MUC5B: variants seen among roughly 807,000 people sequenced by gnomAD.
MUC5B encodes the protein mucin-5B.
MUC5B carries 116 observed loss-of-function variants against 376.9 expected under a neutral mutation model. That is an observed-to-expected ratio of 0.31 (90% CI 0.26 to 0.36). The LOEUF is 0.36. Ranked by LOEUF, MUC5B falls within the 10% of genes least tolerant of loss-of-function variation. The pLI, the probability that MUC5B is intolerant of heterozygous loss-of-function variation, is 1.00. For synonymous variants in MUC5B, 3,517 were observed against 3,390.9 expected (o/e 1.04, Z -1.29); for missense variants, 7,165 against 7,769.9 (o/e 0.92, Z 2.93).
rs771200093 is a variant in MUC5B, at chr11:1,251,340, T to A, written c.14460T>A (p.Thr4820=). 7.0e-6 allele frequency: 11 copies of A among 1,561,268 alleles called. No homozygotes were observed. Among genetic ancestry groups the A allele is most frequent in the Admixed American group, 1.7e-5 (1 of 59,362 alleles). Residue 4820 remains threonine (T), a synonymous_variant, in exon 31 of 49, where the codon ACT becomes ACA. Coordinates refer to ENST00000529681, the MANE Select transcript of MUC5B (RefSeq NM_002458.3). ...CTCTGGGGACGACCCGGATCCTCAC[T>A]GAGCTGACCACAACAGCCACTACAA... ...SSTLGTTRIL[T]ELTTTATTTA...
At position 1,250,624 on chromosome 11, in the gene MUC5B, T is replaced by A; in HGVS notation, c.13744T>A (p.Ser4582Thr). 6.2e-7 allele frequency: 1 copy of A among 1,610,498 alleles called. No individual in the cohort carries two copies. Among genetic ancestry groups the A allele is most frequent in the South Asian group, 1.1e-5 (1 of 90,982 alleles). ...GGCCACCGGCTCTGTGGCCACCCCC[T>A]CCTCCACCCCAGGAACAGCTCACAC... ...TGATGSVATP[S>T]STPGTAHTTK... The change falls in exon 31 of 49, where the codon TCC (serine) becomes ACC (threonine). Residue 4582 changes from serine to threonine, a missense_variant. Ser to Thr is a moderately conservative substitution (Grantham distance 58). Transcript: ENST00000529681.
chr11:1,247,652 C>A lies in MUC5B; in HGVS notation c.10772C>A (p.Ser3591Tyr), dbSNP rs1374211534. 2 of 1,604,964 alleles carry A rather than the reference C, an allele frequency of 1.2e-6. No individual in the cohort carries two copies. Among genetic ancestry groups the A allele is most frequent in the African/African-American group, 2.7e-5 (2 of 74,558 alleles). The change falls in exon 31 of 49, where the codon TCT becomes TAT. Residue 3591 changes from serine to tyrosine, a missense_variant. By Grantham distance (144) the Ser-to-Tyr change is moderately radical. Around this residue, in one of 31 missense-constraint regions of MUC5B, gnomAD observed 81 missense variants for 154.5 expected, o/e 0.52. Coordinates refer to ENST00000529681, the MANE Select transcript of MUC5B (RefSeq NM_002458.3). The part of the protein sequence containing the change: ...LDYSYPMPGP[S>Y]GGDFDTYSNI... ...TACAGCTACCCCATGCCGGGGCCCT[C>A]TGGCGGGGACTTTGACACCTACTCC...
At position 1,246,209 on chromosome 11, in the gene MUC5B, C is replaced by T. The variant is rs1862458981; in HGVS notation, c.9329C>T (p.Thr3110Ile). 9 of 1,612,648 alleles carry T rather than the reference C, an allele frequency of 5.6e-6. No homozygotes were observed. Among genetic ancestry groups the T allele is most frequent in the Non-Finnish European group, 7.6e-6 (9 of 1,179,530 alleles). Residue 3110 changes from threonine (T) to isoleucine (I), a missense_variant, in exon 31 of 49, where the codon ACC (threonine) becomes ATC (isoleucine). This residue lies in a region of MUC5B where 939 missense variants were observed against 770.6 expected (regional missense o/e 1.22). Coordinates refer to ENST00000529681, the MANE Select transcript of MUC5B (RefSeq NM_002458.3). ...ACCACCCACACCTCCACAGTGCTGACCACGAAGGCCACCACGACAAGGGCC... is the reference window on the plus strand; with the variant it reads ...ACCACCCACACCTCCACAGTGCTGATCACGAAGGCCACCACGACAAGGGCC... The part of the protein sequence containing the change: ...PETTHTSTVL[T>I]TKATTTRATS...
At position 1,247,918 on chromosome 11, in the gene MUC5B, A is replaced by G. The variant is rs200751049; in HGVS notation, c.11038A>G (p.Thr3680Ala). ...CCCCAGCACCCCGGCCACCAGCTCTACGGCCACGCCCTCCTCAACTCCGGG... is the reference window on the plus strand; with the variant it reads ...CCCCAGCACCCCGGCCACCAGCTCTGCGGCCACGCCCTCCTCAACTCCGGG... ...HCPSTPATSS[T>A]ATPSSTPGTT... Residue 3680 changes from threonine to alanine, a missense_variant, in exon 31 of 49, where the codon ACG becomes GCG. Coordinates refer to ENST00000529681, the MANE Select transcript of MUC5B (RefSeq NM_002458.3). 1.2e-3 allele frequency: 1,899 copies of G among 1,611,832 alleles called. 37 individuals carry two copies. In the African/African-American group the frequency reaches 0.022, roughly 19 times the overall value.
At position 1,243,593 on chromosome 11, in the gene MUC5B, T is replaced by C. The variant is rs4963031; in HGVS notation, c.6713T>C (p.Leu2238Pro). ...CCTTCCACGGTGACTTCCCACACCC[T>C]AGCAGCAACCACCGGTACCACCCAG... is the stretch of plus-strand genomic sequence containing the variant. ...TEPSTVTSHT[L>P]AATTGTTQHS... is the part of the protein sequence containing the mutation. Residue 2238 changes from leucine (L) to proline (P), a missense_variant, in exon 31 of 49, where the codon CTA becomes CCA. This residue lies in a region of MUC5B where 67 missense variants were observed against 103.0 expected (regional missense o/e 0.65). Coordinates refer to ENST00000529681, the MANE Select transcript of MUC5B (RefSeq NM_002458.3). The C allele has an allele frequency of 0.71, 1,127,154 of 1,589,440 alleles. 408,821 individuals carry two copies. The highest frequency in any genetic ancestry group is 0.98 in the East Asian group (43,572 of 44,572).
intron 12 of MUC5B, 150 bp downstream of exon 12, chr11:1,230,750 T>TC: frequency 1.6e-6 from 1 of 633,068 alleles, no homozygotes; most frequent in Non-Finnish European, 2.3e-6. Flanking sequence ...CCAGGTCAGG[T>TC]CCCCCCTCCA....
At chr11:1,238,200 C>T (rs1330891414) in intron 25 of MUC5B, among the ~76,000 whole-genome samples, 1 of 152,206 alleles carries the variant, frequency 6.6e-6, no homozygotes, top group South Asian at 2.1e-4. Flanking sequence ...CTCAGCTCCC[C>T]GCGTGGCTGG....
At chr11:1,223,495 G>C (rs536303684) in intron 1 of MUC5B, 1 of 485,226 alleles carries the variant, frequency 2.1e-6, no homozygotes, top group South Asian at 2.0e-5. Flanking sequence ...TGGGACAGGA[G>C]TGGGCAATGG....
rs1052154269 is a variant in MUC5B, at chr11:1,234,688, G to T, written c.2630+8G>T. The T allele has an allele frequency of 2.7e-6, 4 of 1,462,424 alleles. No homozygotes were observed. The highest frequency in any genetic ancestry group is 5.6e-5 in the East Asian group (2 of 35,938). 90.6% of individuals were successfully genotyped at this position (1,462,424 alleles called of 1,614,324 possible). ...GGTCGACTGCAACACCTGGTGGGTC[G>T]TGAGTCTCTCGGAGGCAGCAGGTGG... On this transcript the variant is annotated splice_region_variant and intron_variant, in intron 21 of 48. Transcript: ENST00000529681. The surrounding 1 kb of genome is among the most constrained non-coding windows in gnomAD (Gnocchi z 6.3).
intron 11 of MUC5B, 122 bp downstream of exon 11, chr11:1,230,265 C>G: frequency 7.3e-7 from 1 of 1,370,332 alleles, no homozygotes; most frequent in Non-Finnish European, 9.9e-7. Flanking sequence ...GAGGGGGGAG[C>G]CCTGGGTCCC....
At position 1,242,409 on chromosome 11, in the gene MUC5B, C is replaced by G; in HGVS notation, c.5529C>G (p.Val1843=). ...ACCCCGAGGTAAGCATCGACCAGGT[C>G]GGGCAGGTGCTGACCTGCAGCCTGG... ...ENYPEVSIDQ[V]GQVLTCSLET... Residue 1843 remains valine, a synonymous_variant, in exon 31 of 49, where the codon GTC becomes GTG. Coordinates refer to ENST00000529681, the MANE Select transcript of MUC5B (RefSeq NM_002458.3). 1 of 1,613,826 alleles carries G rather than the reference C, an allele frequency of 6.2e-7. No individual in the cohort carries two copies. The highest frequency in any genetic ancestry group is 1.1e-5 in the South Asian group (1 of 91,080).
Position 1,258,770 on chromosome 11 carries a change from G to A in MUC5B, c.16594-172G>A, listed in dbSNP as rs1862915863. Reference sequence around the variant, plus strand: ...TGCCCAGATTCCCTGCCCACCTGTGGTCCCTGTGTGCATCAGCTCCCTGCC... The same window carrying A: ...TGCCCAGATTCCCTGCCCACCTGTGATCCCTGTGTGCATCAGCTCCCTGCC... On this transcript the variant is annotated intron_variant, in intron 43 of 48. Coordinates refer to ENST00000529681, the MANE Select transcript of MUC5B (RefSeq NM_002458.3). This position sits in a 1 kb window ranked among gnomAD's most constrained non-coding sequence, Gnocchi z 5.5. 6.6e-6 allele frequency among the ~76,000 whole-genome samples: 1 copy of A among 152,002 alleles called. No individual in the cohort carries two copies. The highest frequency in any genetic ancestry group is 1.5e-5 in the Non-Finnish European group (1 of 67,978).
At chr11:1,223,436 G>T (rs751464115) in intron 1 of MUC5B, 1 of 633,202 alleles carries the variant, frequency 1.6e-6, no homozygotes, top group East Asian at 3.0e-5. Context: ...GCCCCTGACC[G>T]CAGGGCAAGG....
Position 1,257,425 on chromosome 11 carries a change from TG to T in MUC5B, c.16270-102del. ...GTGTGCGCTTCCTGCCCCATCACTCTGGGCCACTCGGGTACCAGCCCGAGGG... is the reference window on the plus strand; with the variant it reads ...GTGTGCGCTTCCTGCCCCATCACTCTGGCCACTCGGGTACCAGCCCGAGGG... On this transcript the variant is annotated intron_variant, in intron 40 of 48. Transcript: ENST00000529681. This position sits in a 1 kb window ranked among gnomAD's most constrained non-coding sequence, Gnocchi z 8.9. 7.2e-7 allele frequency: 1 copy of T among 1,385,686 alleles called. No homozygotes were observed. Among genetic ancestry groups the T allele is most frequent in the Non-Finnish European group, 1.0e-6 (1 of 998,194 alleles). 85.8% of individuals were successfully genotyped at this position (1,385,686 alleles called of 1,614,324 possible). A position where few individuals can be genotyped will look rare whatever the true frequency, so the allele number is the denominator to read the frequency against.
Position 1,250,736 on chromosome 11 carries a change from T to A in MUC5B, c.13856T>A (p.Ile4619Asn). 1 of 1,609,340 alleles carries A rather than the reference T, an allele frequency of 6.2e-7. No homozygotes were observed. Among genetic ancestry groups the A allele is most frequent in the Non-Finnish European group, 8.5e-7 (1 of 1,178,064 alleles). ...PGTALTPPVW[I>N]STTTTPTTTT... ...ACGGCACTCACGCCTCCAGTGTGGA[T>A]CAGCACAACCACCACACCCACAACC... is the stretch of plus-strand genomic sequence containing the variant. The change falls in exon 31 of 49, where the codon ATC (isoleucine) becomes AAC (asparagine). Residue 4619 changes from isoleucine (I) to asparagine (N), a missense_variant. Physicochemically the swap from Ile to Asn is moderately radical, Grantham distance 149. Transcript: ENST00000529681.
rs374287471 is a variant in MUC5B at position 1,229,651 on chromosome 11, C to T, written c.1103-39C>T. On this transcript the variant is annotated intron_variant, in intron 9 of 48. Coordinates refer to ENST00000529681, the MANE Select transcript of MUC5B (RefSeq NM_002458.3). The stretch of plus-strand genomic sequence containing the variant: ...GGTGTCTTCTGACCTTGGTGTCCCC[C>T]GTGCATGGGCCGGCCCTGCCTCACG... 108 of 1,501,336 alleles carry T rather than the reference C, an allele frequency of 7.2e-5. No homozygotes were observed. In the African/African-American group the frequency reaches 1.2e-3, roughly 17 times the overall value. The allele number at this position is 1,501,336 out of a possible 1,614,324, so 93.0% of individuals were successfully genotyped here.
At position 1,258,322 on chromosome 11, in the gene MUC5B, C is replaced by T; in HGVS notation, c.16556-8C>T. On this transcript the variant is annotated splice_region_variant and splice_polypyrimidine_tract_variant and intron_variant, in intron 42 of 48. Coordinates refer to ENST00000529681, the MANE Select transcript of MUC5B (RefSeq NM_002458.3). This position sits in a 1 kb window ranked among gnomAD's most constrained non-coding sequence, Gnocchi z 5.5. ...ACTTGTCGAGGGCTTAGCTCCCTTTCCTTCCAGGACCTCAGCTGTGTTCGT... is the reference window on the plus strand; with the variant it reads ...ACTTGTCGAGGGCTTAGCTCCCTTTTCTTCCAGGACCTCAGCTGTGTTCGT... The T allele has an allele frequency of 6.2e-7, 1 of 1,611,862 alleles. No homozygotes were observed.
At chr11:1,231,398 G>C (rs1301099887) in intron 13 of MUC5B, 25 bp from the exon 14 acceptor site, 29 of 1,594,474 alleles carry the variant, frequency 1.8e-5, no homozygotes, top group Non-Finnish European at 2.4e-5. Flanking sequence ...ACCCCTGACC[G>C]GCCTCTCCCC....
chr11:1,255,330 C>A lies in MUC5B; in HGVS notation c.15891-53C>A, dbSNP rs55964404. 1.1e-4 allele frequency: 146 copies of A among 1,375,498 alleles called. No individual in the cohort carries two copies. In the East Asian group the frequency reaches 2.5e-3, roughly 24 times the overall value. 85.2% of individuals were successfully genotyped at this position (1,375,498 alleles called of 1,614,324 possible). On this transcript the variant is annotated intron_variant, in intron 36 of 48. Coordinates refer to ENST00000529681, the MANE Select transcript of MUC5B (RefSeq NM_002458.3). Reference sequence around the variant, plus strand: ...CCCCGCCCGCCCGCATGCACGCACGCACGCAGCTCCCTGGGGCTGGGGGCC... The same window carrying A: ...CCCCGCCCGCCCGCATGCACGCACGAACGCAGCTCCCTGGGGCTGGGGGCC...
Sources: allele counts gnomAD v4.1 joint callset (sites outside exome capture counted in the v4.1 genomes callset), GRCh38; gene constraint gnomAD v4.1.1; regional missense constraint gnomAD v4.1.1; non-coding constraint Gnocchi (gnomAD v3.1); transcripts MANE v1.5; gene names NCBI Gene and HGNC (gene_info 2026-07-23, HGNC 2026-07-21).